The following KYAT3 variants were observed in gnomAD, a reference collection of about 807,000 sequenced individuals.
KYAT3 encodes kynurenine--oxoglutarate transaminase 3.
KYAT3 carries 50 observed loss-of-function variants against 59.0 expected under a neutral mutation model. That is an observed-to-expected ratio of 0.85 (90% confidence interval 0.68 to 1.07). KYAT3 has a LOEUF of 1.07. Ranked by LOEUF, KYAT3 falls within the 50% of genes least tolerant of loss-of-function variation. The pLI, the probability that KYAT3 is intolerant of heterozygous loss-of-function variation, is 0.00. For synonymous variants in KYAT3, 148 were observed against 177.0 expected (o/e 0.84, Z 1.30); for missense variants, 497 against 533.3 (o/e 0.93, Z 0.67).
intron 11 of KYAT3, among the ~76,000 whole-genome samples, chr1:88,946,244 T>G (rs752089662): frequency 6.6e-6 from 1 of 152,202 alleles, no homozygotes; most frequent in African/African-American, 2.4e-5. Flanking sequence ...GGAAGTTTAG[T>G]CTCAAGTTAA....
intron 2 of KYAT3, chr1:88,982,901 C>A (rs753162241): frequency 1.2e-6 from 2 of 1,613,982 alleles, no homozygotes; most frequent in African/African-American, 1.3e-5. Flanking sequence ...ATCATCATAG[C>A]GACTGCTTCC....
At chr1:88,971,593 C>CA (rs1172017905) in intron 2 of KYAT3, among the ~76,000 whole-genome samples, 1 of 152,124 alleles carries the variant, frequency 6.6e-6, no homozygotes, top group Non-Finnish European at 1.5e-5. Flanking sequence ...TGGATGGTGA[C>CA]AAAACAGTGT....
chr1:88,925,060 G>A, the KYAT3 span, among the ~76,000 whole-genome samples: 6 of 152,166 alleles, frequency 3.9e-5, no homozygotes, highest in African/African-American at 4.8e-5. Context: ...CTTCCAAAGC[G>A]GTGAGTAATA....
At chr1:88,952,689 T>C (rs1247901422) in intron 10 of KYAT3, among the ~76,000 whole-genome samples, 4 of 152,196 alleles carry the variant, frequency 2.6e-5, no homozygotes, top group Non-Finnish European at 5.9e-5. Flanking sequence ...AATTACTAAG[T>C]CTCAGGTATT....
chr1:88,990,189 A>T (rs1176678930), intron 1 of KYAT3, among the ~76,000 whole-genome samples: 1 of 152,084 alleles, frequency 6.6e-6, no homozygotes, highest in Non-Finnish European at 1.5e-5. Flanking sequence ...CTTAGATCTC[A>T]TTCCCTCTAC....
chr1:88,958,719 G>T (rs1232648304), intron 8 of KYAT3, among the ~76,000 whole-genome samples: 1 of 152,210 alleles, frequency 6.6e-6, no homozygotes, highest in East Asian at 1.9e-4. Flanking sequence ...TTGTGGACAA[G>T]TATGAACAGA....
chr1:88,980,414 T>C (rs1333167107), intron 2 of KYAT3: 1 of 149,246 alleles, frequency 6.7e-6, no homozygotes, highest in Non-Finnish European at 1.5e-5. Context: ...AATTATCTCA[T>C]AGATTTTGGA....
chr1:88,976,010 G>T (rs1246871024), intron 2 of KYAT3, among the ~76,000 whole-genome samples: 1 of 151,540 alleles, frequency 6.6e-6, no homozygotes, highest in Non-Finnish European at 1.5e-5. Flanking sequence ...TTCCAGCCTG[G>T]GTGACAGAGC....
intron 11 of KYAT3, among the ~76,000 whole-genome samples, chr1:88,944,047 T>C (rs928677131): frequency 3.2e-4 from 48 of 152,234 alleles, no homozygotes; most frequent in Non-Finnish European, 4.4e-5. Flanking sequence ...TTTTTTAAAT[T>C]TGTGAAAAAG....
intron 13 of KYAT3, among the ~76,000 whole-genome samples, chr1:88,937,814 T>C (rs1273110437): frequency 2.6e-5 from 4 of 152,208 alleles, no homozygotes; most frequent in African/African-American, 9.6e-5. Context: ...TGAGGAAACA[T>C]CAAACTTAAA....
intron 13 of KYAT3, among the ~76,000 whole-genome samples, chr1:88,937,707 G>A (rs1675090010): frequency 6.6e-6 from 1 of 152,090 alleles, no homozygotes; most frequent in Non-Finnish European, 1.5e-5. Context: ...CTGGTAATAG[G>A]AATAAATGAA....
intron 8 of KYAT3, among the ~76,000 whole-genome samples, chr1:88,957,749 A>C (rs1675974741): frequency 6.6e-6 from 1 of 152,208 alleles, no homozygotes; most frequent in Non-Finnish European, 1.5e-5. Context: ...AGATCTAAAC[A>C]ATAAATTTCA....
chr1:88,924,566 C>T, the KYAT3 span, among the ~76,000 whole-genome samples: 1 of 152,302 alleles, frequency 6.6e-6, no homozygotes, highest in Middle Eastern at 3.4e-3. Flanking sequence ...CGTATGAGAG[C>T]TCTGTTTTCA....
At position 88,969,590 on chromosome 1, in the gene KYAT3, A is replaced by C. The variant is rs537296164; in HGVS notation, c.100-123T>G. ...TGTAAATAGTAGTTCCATAAAGATA[A>C]ATCTTAGACTCCAACACAAAATTCT... On this transcript the variant is annotated intron_variant, in intron 2 of 13. Transcript: ENST00000260508. 7 of 609,142 alleles carry C rather than the reference A, an allele frequency of 1.1e-5. No homozygotes were observed. In the South Asian group the frequency reaches 1.4e-4, roughly 12 times the overall value. 37.7% of individuals were successfully genotyped at this position (609,142 alleles called of 1,614,324 possible).
At chr1:88,967,610 G>C (rs537486790) in intron 4 of KYAT3, among the ~76,000 whole-genome samples, 11 of 151,930 alleles carry the variant, frequency 7.2e-5, no homozygotes, top group African/African-American at 2.2e-4. Context: ...ATCTCTCCTT[G>C]TGTCAGTTTT....
rs760116019 is a variant in KYAT3, at chr1:88,943,380, A to G, written c.1185T>C (p.Tyr395=). Residue 395 remains tyrosine, a synonymous_variant, in exon 12 of 14, where the codon TAT becomes TAC. Coordinates refer to ENST00000260508, the MANE Select transcript of KYAT3 (RefSeq NM_001008661.3). ...GTTTAGTCATCCATTTCACAAACTT[A>G]TAGTCATAAGGCTCATTATTCTTCA... The part of the protein sequence containing the change: ...SDMKNNEPYD[Y]KFVKWMTKHK... 6.3e-7 allele frequency: 1 copy of G among 1,584,146 alleles called. No homozygotes were observed. Among genetic ancestry groups the G allele is most frequent in the South Asian group, 1.1e-5 (1 of 87,532 alleles).
Position 88,943,361 on chromosome 1 carries a change from T to A in KYAT3, c.1204A>T (p.Thr402Ser). 4 of 1,547,766 alleles carry A rather than the reference T, an allele frequency of 2.6e-6. No homozygotes were observed. Among genetic ancestry groups the A allele is most frequent in the Non-Finnish European group, 3.5e-6 (4 of 1,127,664 alleles). ...ACAATAAACATTACCTTATGTTTAGTCATCCATTTCACAAACTTATAGTCA... is the reference window on the plus strand; with the variant it reads ...ACAATAAACATTACCTTATGTTTAGACATCCATTTCACAAACTTATAGTCA... ...PYDYKFVKWM[T>S]KHKKLSAIPV... The change falls in exon 12 of 14, where the codon ACT becomes TCT. Residue 402 changes from threonine (T) to serine (S), a missense_variant. By Grantham distance (58) the Thr-to-Ser change is moderately conservative. This residue lies in a region of KYAT3 where 469 missense variants were observed against 479.1 expected (regional missense o/e 0.98). Transcript: ENST00000260508.
chr1:88,964,521 A>C, intron 5 of KYAT3: 1 of 281,370 alleles, frequency 3.6e-6, no homozygotes. Context: ...CAGTGAAAAC[A>C]AGCCTATGGT....
chr1:88,922,187 T>A, the KYAT3 span, among the ~76,000 whole-genome samples: 2 of 152,066 alleles, frequency 1.3e-5, no homozygotes, highest in African/African-American at 4.8e-5. Context: ...ACCACTGCAC[T>A]GTAGCCTGAG....
Sources: gnomAD v4.1 joint callset for allele counts (sites outside exome capture counted in the v4.1 genomes callset) on GRCh38, gnomAD v4.1.1 for gene constraint, gnomAD v4.1.1 regional missense constraint, MANE v1.5 for transcripts, NCBI Gene and HGNC (gene_info 2026-07-23, HGNC 2026-07-21) for gene names.